The following STK3 variants were observed in gnomAD, a reference collection of about 807,000 sequenced individuals.
STK3 encodes serine/threonine-protein kinase 3.
Under a neutral mutation model 58.0 loss-of-function variants are expected in STK3, and 41 were observed. The observed-to-expected ratio is 0.71, with a 90% CI of 0.55 to 0.92. STK3 has a LOEUF of 0.92. Among genes scored for constraint, STK3 ranks in the 40% least tolerant of loss-of-function variants. The probability of loss-of-function intolerance (pLI) is 0.00; values close to 1 mark genes in which losing one functional copy is unlikely to be tolerated. For missense variants in STK3, 479 were observed against 602.7 expected, an observed-to-expected ratio of 0.79 and a Z score of 2.15; for synonymous variants, 170 against 191.0, an observed-to-expected ratio of 0.89 and a Z score of 0.91.
At chr8:98,721,040 C>T (rs758930001) in intron 4 of STK3, 2 of 940,498 alleles carry the variant, frequency 2.1e-6, no homozygotes, top group Non-Finnish European at 2.5e-6. Context: ...AACAAATATA[C>T]CTGTTAATGA....
intron 3 of STK3, among the ~76,000 whole-genome samples, chr8:98,755,541 G>A (rs897519500): frequency 2.6e-5 from 4 of 152,158 alleles, no homozygotes; most frequent in Non-Finnish European, 5.9e-5. Flanking sequence ...AAAAACCTTT[G>A]AAAGCAGATA....
chr8:98,577,919 G>C (rs1238974028), intron 8 of STK3, among the ~76,000 whole-genome samples: 1 of 151,930 alleles, frequency 6.6e-6, no homozygotes, highest in African/African-American at 2.4e-5. Flanking sequence ...ACATGCAAAG[G>C]CCCTGAGTAA....
chr8:98,722,296 C>A (rs536278277), intron 4 of STK3, among the ~76,000 whole-genome samples: 79 of 152,236 alleles, frequency 5.2e-4, no homozygotes, highest in African/African-American at 1.7e-3. Flanking sequence ...AAAACGGAGA[C>A]AAATCTTAGC....
chr8:98,660,393 C>CTGTGCACTGAAAA (rs1454531765), intron 6 of STK3, among the ~76,000 whole-genome samples: 1 of 151,936 alleles, frequency 6.6e-6, no homozygotes, highest in Non-Finnish European at 1.5e-5. Flanking sequence ...CACTGAAAAA[C>CTGTGCACTGAAAA]AGTTAAGATG....
chr8:98,682,524 CACA>C (rs1823712733), intron 6 of STK3, among the ~76,000 whole-genome samples: 1 of 152,082 alleles, frequency 6.6e-6, no homozygotes, highest in Non-Finnish European at 1.5e-5. Context: ...CATTGCATAG[CACA>C]ACTACATTTA....
At chr8:98,857,879 TAGG>T (rs1484006880) in intron 3 of STK3, among the ~76,000 whole-genome samples, 4 of 152,014 alleles carry the variant, frequency 2.6e-5, no homozygotes, top group African/African-American at 4.8e-5. Context: ...AATATTTTGA[TAGG>T]AGGAGAATAA....
chr8:98,744,435 C>T (rs1418702024), intron 4 of STK3, among the ~76,000 whole-genome samples: 1 of 151,728 alleles, frequency 6.6e-6, no homozygotes, highest in Non-Finnish European at 1.5e-5. Context: ...TTTGTAGGGA[C>T]ATGGATGAAA....
intron 9 of STK3, among the ~76,000 whole-genome samples, chr8:98,542,972 G>A (rs2131561473): frequency 6.6e-6 from 1 of 152,238 alleles, no homozygotes; most frequent in East Asian, 1.9e-4. Flanking sequence ...ATTGTATTAG[G>A]TATCAAAAAT....
intron 3 of STK3, among the ~76,000 whole-genome samples, chr8:98,850,700 G>A (rs1221236479): frequency 6.6e-6 from 1 of 152,214 alleles, no homozygotes; most frequent in Non-Finnish European, 1.5e-5. Flanking sequence ...CAGTGTGACT[G>A]CGACGTGCAG....
intron 4 of STK3, 119 bp from the exon 5 acceptor site, chr8:98,707,430 C>G: frequency 1.3e-6 from 1 of 753,898 alleles, no homozygotes; most frequent in Admixed American, 3.2e-5. Flanking sequence ...TTTTAAGAGA[C>G]CCCACTCTGT....
At chr8:98,892,323 C>A (rs972855172) in intron 1 of STK3, among the ~76,000 whole-genome samples, 1 of 152,164 alleles carries the variant, frequency 6.6e-6, no homozygotes, top group Non-Finnish European at 1.5e-5. Flanking sequence ...TACCTCCTGA[C>A]CTGTCTGTGT....
intron 3 of STK3, among the ~76,000 whole-genome samples, chr8:98,874,048 A>C (rs1315439441): frequency 6.6e-6 from 1 of 152,116 alleles, no homozygotes; most frequent in African/African-American, 2.4e-5. Flanking sequence ...GTGGTGACAA[A>C]GTCTCTCAGC....
intron 3 of STK3, among the ~76,000 whole-genome samples, chr8:98,861,224 T>G (rs1401567003): frequency 6.6e-6 from 1 of 151,872 alleles, no homozygotes; most frequent in East Asian, 1.9e-4. Flanking sequence ...AAAAGGTCAA[T>G]CAAATCCATC....
intron 3 of STK3, among the ~76,000 whole-genome samples, chr8:98,859,674 A>T (rs1287516306): frequency 6.6e-6 from 1 of 152,222 alleles, no homozygotes; most frequent in African/African-American, 2.4e-5. Flanking sequence ...CATGAATAGA[A>T]GGAGCTGGCC....
chr8:98,539,092 G>T (rs901601996), intron 9 of STK3, among the ~76,000 whole-genome samples: 3 of 152,176 alleles, frequency 2.0e-5, no homozygotes, highest in African/African-American at 7.2e-5. Context: ...TGGTAAGTGA[G>T]AAAGTAGTTC....
At chr8:98,835,001 AT>A (rs1235936755) in intron 3 of STK3, among the ~76,000 whole-genome samples, 1 of 152,194 alleles carries the variant, frequency 6.6e-6, no homozygotes, top group Non-Finnish European at 1.5e-5. Flanking sequence ...TTGGCTATTC[AT>A]TTTTTGTTTG....
chr8:98,776,881 T>C (rs1831718862), intron 1 of STK3, among the ~76,000 whole-genome samples: 1 of 151,730 alleles, frequency 6.6e-6, no homozygotes, highest in Admixed American at 6.6e-5. Context: ...AAACCCCGTC[T>C]CTACTAAAAA....
chr8:98,526,422 A>C (rs1228219614), intron 10 of STK3: 1 of 164,376 alleles, frequency 6.1e-6, no homozygotes, highest in Admixed American at 6.4e-5. Flanking sequence ...GAATGTCAGA[A>C]GTATCTCATA....
intron 6 of STK3, among the ~76,000 whole-genome samples, chr8:98,629,310 AAT>A (rs893634596): frequency 6.6e-6 from 1 of 152,184 alleles, no homozygotes; most frequent in Non-Finnish European, 1.5e-5. Context: ...CTACTTTCCA[AAT>A]AAACTCATAC....
Sources: gnomAD v4.1 joint callset for allele counts (sites outside exome capture counted in the v4.1 genomes callset) on GRCh38, gnomAD v4.1.1 for gene constraint, MANE v1.5 for transcripts, NCBI Gene and HGNC (gene_info 2026-07-23, HGNC 2026-07-21) for gene names.